PRKAR1A: variants seen among roughly 807,000 people sequenced by gnomAD.
The protein encoded by PRKAR1A is cAMP-dependent protein kinase type I-alpha regulatory subunit.
A neutral mutation model predicts 52.0 loss-of-function variants in PRKAR1A; 3 were observed. The observed-to-expected ratio is 0.06, with a 90% CI of 0.03 to 0.15. PRKAR1A has a LOEUF of 0.15. Among genes scored for constraint, PRKAR1A ranks in the 10% least tolerant of loss-of-function variants. The pLI is 1.00. For missense variants in PRKAR1A, 240 were observed against 477.4 expected, an observed-to-expected ratio of 0.50 and a Z score of 4.63; for synonymous variants, 188 against 168.4, an observed-to-expected ratio of 1.12 and a Z score of -0.90.
intron 11 of PRKAR1A, chr17:68,541,913 G>A: frequency 6.6e-7 from 1 of 1,523,146 alleles, no homozygotes; most frequent in Non-Finnish European, 8.9e-7. Flanking sequence ...AGCCAAGCTA[G>A]CAACAAGTCC....
At chr17:68,431,778 C>T in the PRKAR1A span, among the ~76,000 whole-genome samples, 7 of 8,792 alleles carry the variant, frequency 8.0e-4, no homozygotes, top group African/African-American at 3.3e-3. Flanking sequence ...ACAGGTTGAG[C>T]GGAGAACCCA....
chr17:68,424,524 G>C, the PRKAR1A span: 49 of 533,658 alleles, frequency 9.2e-5, no homozygotes, highest in Middle Eastern at 6.3e-4. Flanking sequence ...CATTGTTTCA[G>C]TGCCCAAGTG....
chr17:68,507,742 C>T (rs1451801564), upstream of PRKAR1A, among the ~76,000 whole-genome samples: 1 of 152,114 alleles, frequency 6.6e-6, no homozygotes, highest in Non-Finnish European at 1.5e-5. Context: ...ACTGACTCAT[C>T]CCTATTTTTT....
chr17:68,493,346 T>C, the PRKAR1A span, among the ~76,000 whole-genome samples: 1 of 152,018 alleles, frequency 6.6e-6, no homozygotes, highest in African/African-American at 2.4e-5. Flanking sequence ...GAAAATACAC[T>C]TGGAAGAGGG....
the PRKAR1A span, chr17:68,426,309 C>G: frequency 1.4e-6 from 1 of 721,084 alleles, no homozygotes; most frequent in South Asian, 1.7e-5. Context: ...CCTGGAGGTA[C>G]TGTGCCTAGG....
chr17:68,533,257 T>C lies in PRKAR1A; in HGVS notation c.*2808T>C. ...GAGATGATTAAGTTGTATTCATTAG[T>C]GTATTGGTATTTCTTCACATCCAGT... On this transcript the variant is annotated 3_prime_UTR_variant, in exon 11 of 11. Coordinates refer to ENST00000589228, the MANE Select transcript of PRKAR1A (RefSeq NM_002734.5). 1 of 1,062,584 alleles carries C rather than the reference T, an allele frequency of 9.4e-7. No homozygotes were observed. Among genetic ancestry groups the C allele is most frequent in the Non-Finnish European group, 1.1e-6 (1 of 877,010 alleles). 65.8% of individuals were successfully genotyped at this position (1,062,584 alleles called of 1,614,324 possible).
chr17:68,443,963 T>G, the PRKAR1A span, among the ~76,000 whole-genome samples: 1 of 152,254 alleles, frequency 6.6e-6, no homozygotes. Flanking sequence ...ACACCAGGAA[T>G]GTATTAAATA....
At chr17:68,537,280 C>T (rs142622721), downstream of PRKAR1A, 24 of 760,612 alleles carry the variant, frequency 3.2e-5, no homozygotes, top group African/African-American at 2.9e-4. The surrounding 1 kb of genome is among the most constrained non-coding windows in gnomAD (Gnocchi z 4.2). Flanking sequence ...AGCAAGGCAA[C>T]GCACGACAGA....
chr17:68,546,416 T>A lies in PRKAR1A; in HGVS notation c.974-4668T>A, dbSNP rs571396926. Among the ~76,000 whole-genome samples the A allele has an allele frequency of 3.2e-4, 49 of 152,150 alleles. No individual in the cohort carries two copies. In the South Asian group the frequency reaches 5.4e-3, roughly 17 times the overall value. On this transcript the variant is annotated intron_variant, in intron 11 of 11. Transcript: ENST00000585981. Reference sequence around the variant, plus strand: ...TTTACCTCCTTCCACGCATCACAAATTTTCTTAATGGCATCTAGAATGGAG... The same window carrying A: ...TTTACCTCCTTCCACGCATCACAAAATTTCTTAATGGCATCTAGAATGGAG...
At chr17:68,549,630 C>T (rs142778155) in intron 11 of PRKAR1A, among the ~76,000 whole-genome samples, 167 of 152,228 alleles carry the variant, frequency 1.1e-3, no homozygotes, top group Admixed American at 9.0e-3. Flanking sequence ...TTAACATCTC[C>T]TGTTTCTCTA....
the PRKAR1A span, among the ~76,000 whole-genome samples, chr17:68,471,197 C>T: frequency 1.3e-5 from 2 of 152,116 alleles, no homozygotes; most frequent in Middle Eastern, 6.3e-3. Context: ...TTAATTGCGA[C>T]ACACTTGTGG....
intron 11 of PRKAR1A, chr17:68,541,962 G>T: frequency 6.2e-7 from 1 of 1,608,724 alleles, no homozygotes; most frequent in Non-Finnish European, 8.5e-7. Context: ...GGACTGGGCT[G>T]TGTGGCCTGG....
At chr17:68,436,769 G>A in the PRKAR1A span, among the ~76,000 whole-genome samples, 4 of 152,136 alleles carry the variant, frequency 2.6e-5, no homozygotes, top group Non-Finnish European at 4.4e-5. Flanking sequence ...CTTTGAGGCG[G>A]GCGGATCACT....
chr17:68,497,647 G>A, the PRKAR1A span, among the ~76,000 whole-genome samples: 12 of 152,154 alleles, frequency 7.9e-5, no homozygotes, highest in Non-Finnish European at 1.5e-4. Context: ...GCCAAGTGCC[G>A]TGCTAAGAGA....
chr17:68,533,118 T>C lies in PRKAR1A; in HGVS notation c.*2669T>C. 9.4e-6 allele frequency: 10 copies of C among 1,063,960 alleles called. No individual in the cohort carries two copies. The highest frequency in any genetic ancestry group is 1.1e-5 in the Non-Finnish European group (10 of 878,210). The allele number at this position is 1,063,960 out of a possible 1,614,324, so 65.9% of individuals were successfully genotyped here. A position where few individuals can be genotyped will look rare whatever the true frequency, so the allele number is the denominator to read the frequency against. ...ATCATTTCTAGATTAGCATACTCTT[T>C]GGTTTAAATTTAATATATACATTTA... On this transcript the variant is annotated 3_prime_UTR_variant, in exon 11 of 11. Transcript: ENST00000589228.
At chr17:68,524,190 T>G (rs1375451990) in intron 5 of PRKAR1A, 113 bp downstream of exon 5, 2 of 1,046,466 alleles carry the variant, frequency 1.9e-6, no homozygotes, top group Non-Finnish European at 2.8e-6. Flanking sequence ...ACCACTTTTT[T>G]TTTTCTGTTA....
At chr17:68,478,569 G>C in the PRKAR1A span, among the ~76,000 whole-genome samples, 1 of 152,030 alleles carries the variant, frequency 6.6e-6, no homozygotes, top group Non-Finnish European at 1.5e-5. Context: ...TTTGTATTGC[G>C]ATCTGATTAT....
the PRKAR1A span, among the ~76,000 whole-genome samples, chr17:68,480,769 CG>C: frequency 2.0e-5 from 3 of 152,152 alleles, no homozygotes; most frequent in Non-Finnish European, 2.9e-5. Context: ...AGGCTGGTCT[CG>C]AACTTCTGGA....
the PRKAR1A span, among the ~76,000 whole-genome samples, chr17:68,438,533 C>T: frequency 2.6e-5 from 4 of 152,298 alleles, no homozygotes; most frequent in African/African-American, 7.2e-5. Flanking sequence ...CAAGGACTAG[C>T]GTACCAAACT....
Sources: allele counts gnomAD v4.1 joint callset (sites outside exome capture counted in the v4.1 genomes callset), GRCh38; gene constraint gnomAD v4.1.1; non-coding constraint Gnocchi (gnomAD v3.1); transcripts MANE v1.5; gene names NCBI Gene and HGNC (gene_info 2026-07-23, HGNC 2026-07-21).